EVI5: variants seen among roughly 807,000 people sequenced by gnomAD.
EVI5 encodes ecotropic viral integration site 5 protein homolog.
Under a neutral mutation model 112.0 loss-of-function variants are expected in EVI5, and 73 were observed. The ratio of observed to expected loss-of-function variants is 0.65; its 90% CI spans 0.54 to 0.79. The LOEUF (loss-of-function observed/expected upper bound fraction) is 0.79. EVI5 is among the 30% of genes least tolerant of loss of function. The probability of loss-of-function intolerance (pLI) is 0.00; values close to 1 mark genes in which losing one functional copy is unlikely to be tolerated. For synonymous variants in EVI5, 305 were observed against 319.9 expected (o/e 0.95, Z 0.50); for missense variants, 900 against 968.8 (o/e 0.93, Z 0.94).
At chr1:92,632,510 G>C (rs955267423) in intron 14 of EVI5, among the ~76,000 whole-genome samples, 2 of 152,096 alleles carry the variant, frequency 1.3e-5, no homozygotes, top group African/African-American at 4.8e-5. Flanking sequence ...ATTTCTGTGG[G>C]ATAGTTGGTG....
chr1:92,775,836 C>T (rs1684049840), intron 1 of EVI5, among the ~76,000 whole-genome samples: 1 of 152,050 alleles, frequency 6.6e-6, no homozygotes, highest in South Asian at 2.1e-4. Context: ...AGGCCGGGCA[C>T]GGTGGCTCAC....
intron 2 of EVI5, among the ~76,000 whole-genome samples, chr1:92,723,730 G>C (rs890963056): frequency 2.0e-5 from 3 of 152,176 alleles, no homozygotes; most frequent in Non-Finnish European, 4.4e-5. Context: ...ATAACCATAA[G>C]GTCTGACTGC....
rs1435146028 is a variant in EVI5 at position 92,513,715 on chromosome 1, G to A, written c.2422C>T (p.Gln808Ter). Residue 808 changes from glutamine to a stop codon, truncating the protein, a stop_gained, in exon 20 of 20, where the codon CAA becomes TAA. Transcript: ENST00000684568. LOFTEE classifies it high-confidence loss of function. ...GGGGGCCGCTCCTTTTGAACCACTTGGTTGCTCTCTCTGGTCTCCAGCACA... is the reference window on the plus strand; with the variant it reads ...GGGGGCCGCTCCTTTTGAACCACTTAGTTGCTCTCTCTGGTCTCCAGCACA... ...DSVLETRESN[Q>*]VVQKERPPRR... is the part of the protein sequence containing the mutation. 1 of 1,612,798 alleles carries A rather than the reference G, an allele frequency of 6.2e-7. No individual in the cohort carries two copies. The highest frequency in any genetic ancestry group is 8.5e-7 in the Non-Finnish European group (1 of 1,179,564).
chr1:92,616,819 C>G (rs145374189), intron 16 of EVI5, among the ~76,000 whole-genome samples: 1,936 of 152,258 alleles, frequency 0.013, 46 homozygotes, highest in African/African-American at 0.043. Context: ...ACCACGCGAC[C>G]TGAACTGCCT....
At chr1:92,740,442 C>T (rs959971764) in intron 1 of EVI5, among the ~76,000 whole-genome samples, 1 of 152,046 alleles carries the variant, frequency 6.6e-6, no homozygotes, top group Non-Finnish European at 1.5e-5. Context: ...TTTTTATCTC[C>T]GCTTTTTCTT....
chr1:92,634,499 G>A (rs1425386868), intron 14 of EVI5, among the ~76,000 whole-genome samples: 5 of 152,056 alleles, frequency 3.3e-5, no homozygotes, highest in South Asian at 2.1e-4. Context: ...CATTCGTCAC[G>A]TAGTTCTCGT....
intron 19 of EVI5, among the ~76,000 whole-genome samples, chr1:92,545,673 T>G (rs1044234014): frequency 6.6e-6 from 1 of 152,192 alleles, no homozygotes; most frequent in Non-Finnish European, 1.5e-5. Context: ...ATTTCCTCGT[T>G]TGATTAAAAA....
intron 2 of EVI5, among the ~76,000 whole-genome samples, chr1:92,731,724 C>T (rs1570642316): frequency 6.6e-6 from 1 of 152,002 alleles, no homozygotes; most frequent in East Asian, 1.9e-4. Flanking sequence ...CAGAATAGAG[C>T]CCAGAAATAG....
intron 18 of EVI5, among the ~76,000 whole-genome samples, chr1:92,580,320 T>C (rs985503911): frequency 2.0e-5 from 3 of 152,212 alleles, no homozygotes; most frequent in Non-Finnish European, 2.9e-5. Flanking sequence ...GATTCATATA[T>C]TGCATTCATA....
In EVI5 at chr1:92,676,645, T is replaced by C. The variant is rs532093433; in HGVS notation, c.1158+513A>G. ...TTTTAGGGTACATATAGGGTATTTATATGCCCTTCGAATTGAAAATCTGCT... is the reference window on the plus strand; with the variant it reads ...TTTTAGGGTACATATAGGGTATTTACATGCCCTTCGAATTGAAAATCTGCT... On this transcript the variant is annotated intron_variant, in intron 10 of 19. Transcript: ENST00000684568. Among the ~76,000 whole-genome samples the C allele has an allele frequency of 4.0e-3, 616 of 152,316 alleles. 1 individual carries two copies. Among genetic ancestry groups the C allele is most frequent in the Non-Finnish European group, 5.8e-3 (395 of 68,036 alleles).
intron 19 of EVI5, among the ~76,000 whole-genome samples, chr1:92,537,909 T>C (rs1226428294): frequency 1.3e-5 from 2 of 151,922 alleles, no homozygotes; most frequent in East Asian, 1.9e-4. Context: ...AATGAAAAAA[T>C]TGTAGATTTC....
chr1:92,791,692 T>C (rs1686105459), intron 1 of EVI5, among the ~76,000 whole-genome samples: 1 of 151,904 alleles, frequency 6.6e-6, no homozygotes, highest in African/African-American at 2.4e-5. Flanking sequence ...AATTGTCTAA[T>C]TAAAGCCAGG....
intron 4 of EVI5, 142 bp from the exon 5 acceptor site, chr1:92,702,357 C>T (rs1014898803): frequency 8.8e-6 from 4 of 455,528 alleles, no homozygotes; most frequent in African/African-American, 6.3e-5. Context: ...AGATGTTATC[C>T]TATACATATT....
At chr1:92,776,635 CTTTTTT>C (rs770829382) in intron 1 of EVI5, among the ~76,000 whole-genome samples, 1 of 137,700 alleles carries the variant, frequency 7.3e-6, no homozygotes, top group Non-Finnish European at 1.6e-5. Flanking sequence ...ACCATCATGA[CTTTTTT>C]TTTTTTTTTT....
At chr1:92,785,365 C>T (rs1021751598), upstream of EVI5, among the ~76,000 whole-genome samples, 2 of 152,222 alleles carry the variant, frequency 1.3e-5, no homozygotes, top group African/African-American at 2.4e-5. Context: ...GACACACCCC[C>T]TCGGGGGCCC....
intron 1 of EVI5, among the ~76,000 whole-genome samples, chr1:92,762,856 T>C (rs1028882966): frequency 6.6e-6 from 1 of 152,130 alleles, no homozygotes; most frequent in African/African-American, 2.4e-5. Flanking sequence ...GGAGAAGTTA[T>C]TTACTGGGTA....
At chr1:92,534,904 A>G (rs1663582799) in intron 19 of EVI5, among the ~76,000 whole-genome samples, 1 of 152,214 alleles carries the variant, frequency 6.6e-6, no homozygotes, top group Non-Finnish European at 1.5e-5. Flanking sequence ...AATGGCAACA[A>G]AAGCCAAAAT....
At chr1:92,663,391 A>T in intron 12 of EVI5, 29 bp downstream of exon 12, 1 of 1,267,692 alleles carries the variant, frequency 7.9e-7, no homozygotes, top group Non-Finnish European at 1.1e-6. Context: ...AAGATGTTTT[A>T]AAAAACTAAA....
chr1:92,768,877 AAAAAC>A (rs1683013821), intron 1 of EVI5, among the ~76,000 whole-genome samples: 1 of 152,202 alleles, frequency 6.6e-6, no homozygotes, highest in African/African-American at 2.4e-5. Flanking sequence ...CCTGTCTCAA[AAAAAC>A]AAAACAAAAA....
Sources: gnomAD v4.1 joint callset for allele counts (sites outside exome capture counted in the v4.1 genomes callset) on GRCh38, gnomAD v4.1.1 for gene constraint, MANE v1.5 for transcripts, NCBI Gene and HGNC (gene_info 2026-07-23, HGNC 2026-07-21) for gene names.